Variants in EXOC4 observed in about 807,000 individuals in gnomAD.
The protein encoded by EXOC4 is exocyst complex component 4.
In EXOC4, 71 loss-of-function variants were observed where a neutral mutation model predicts 107.2. The ratio of observed to expected loss-of-function variants is 0.66; its 90% CI spans 0.55 to 0.81. The LOEUF (loss-of-function observed/expected upper bound fraction) is 0.81. Ranked by LOEUF, EXOC4 falls within the 30% of genes least tolerant of loss-of-function variation. EXOC4 has a pLI of 0.00. For synonymous variants in EXOC4, 456 were observed against 441.2 expected, an observed-to-expected ratio of 1.03 and a Z score of -0.42; for missense variants, 1,108 against 1,189.6, an observed-to-expected ratio of 0.93 and a Z score of 1.01.
At position 133,788,921 on chromosome 7, in the gene EXOC4, T is replaced by C. The variant is rs1796647253; in HGVS notation, c.1515-28404T>C. ...GATCTTCAGCTCGTTCACCATATAA[T>C]ACATGAAATACATGTATTCTCATAA... On this transcript the variant is annotated intron_variant, in intron 10 of 17. Coordinates refer to ENST00000253861, the MANE Select transcript of EXOC4 (RefSeq NM_021807.4). 2.0e-5 allele frequency among the ~76,000 whole-genome samples: 3 copies of C among 150,462 alleles called. No individual in the cohort carries two copies. The South Asian group carries it at 6.2e-4, about 31-fold the overall frequency.
At chr7:133,304,471 A>G (rs1794709332) in intron 3 of EXOC4, among the ~76,000 whole-genome samples, 1 of 152,172 alleles carries the variant, frequency 6.6e-6, no homozygotes, top group African/African-American at 2.4e-5. Context: ...TCACTCTCCC[A>G]TTCCTTGATT....
intron 6 of EXOC4, among the ~76,000 whole-genome samples, chr7:133,372,255 C>T (rs1013780070): frequency 6.6e-6 from 1 of 152,020 alleles, no homozygotes; most frequent in Non-Finnish European, 1.5e-5. Flanking sequence ...AATATGACAC[C>T]GTTGTGCTTC....
rs550629030 is a variant in EXOC4 at position 133,707,483 on chromosome 7, C to A, written c.1514+77342C>A. 1.3e-3 allele frequency among the ~76,000 whole-genome samples: 189 copies of A among 151,164 alleles called. 1 individual carries two copies. Among genetic ancestry groups the A allele is most frequent in the African/African-American group, 4.3e-3 (179 of 41,232 alleles). On this transcript the variant is annotated intron_variant, in intron 10 of 17. Coordinates refer to ENST00000253861, the MANE Select transcript of EXOC4 (RefSeq NM_021807.4). ...CAAAAAAGTCATTGTTAAAGAGAAA[C>A]AAAGAAAAAGTTAAAAATGAAATAC...
the EXOC4 span, among the ~76,000 whole-genome samples, chr7:134,082,252 GA>G: frequency 6.6e-6 from 1 of 152,138 alleles, no homozygotes; most frequent in African/African-American, 2.4e-5. Flanking sequence ...TCTTGGAAAG[GA>G]TGGGCAATTC....
At chr7:134,016,153 G>C (rs959974654) in intron 17 of EXOC4, among the ~76,000 whole-genome samples, 2 of 152,186 alleles carry the variant, frequency 1.3e-5, no homozygotes, top group Admixed American at 6.5e-5. Flanking sequence ...ATCAGTGGTT[G>C]TGGTGAGTAT....
intron 7 of EXOC4, among the ~76,000 whole-genome samples, chr7:133,404,912 A>G (rs1203317440): frequency 8.4e-6 from 1 of 119,038 alleles, no homozygotes; most frequent in African/African-American, 3.4e-5. Context: ...ACGCACACAC[A>G]CACACACACA....
chr7:133,437,105 C>T (rs546017645), intron 7 of EXOC4, among the ~76,000 whole-genome samples: 4 of 152,096 alleles, frequency 2.6e-5, no homozygotes, highest in African/African-American at 7.2e-5. Context: ...TTAAATTTTG[C>T]GTGTTATCCA....
intron 10 of EXOC4, among the ~76,000 whole-genome samples, chr7:133,658,884 T>C (rs1270113673): frequency 2.0e-5 from 3 of 152,096 alleles, no homozygotes; most frequent in South Asian, 2.1e-4. Flanking sequence ...CATGTTGATA[T>C]TGTTGCAAAT....
At chr7:133,956,313 G>A (rs908710810) in intron 14 of EXOC4, among the ~76,000 whole-genome samples, 3 of 152,086 alleles carry the variant, frequency 2.0e-5, no homozygotes, top group Admixed American at 1.3e-4. Context: ...GATAGAGGCG[G>A]CTCAAATAGG....
intron 8 of EXOC4, among the ~76,000 whole-genome samples, 178 bp downstream of exon 8, chr7:133,475,651 T>C (rs184890431): frequency 1.3e-4 from 20 of 152,316 alleles, no homozygotes; most frequent in Non-Finnish European, 2.5e-4. Flanking sequence ...AGTGGTTGTT[T>C]TGGGTACAGT....
intron 7 of EXOC4, among the ~76,000 whole-genome samples, chr7:133,379,534 A>T (rs1398731131): frequency 6.6e-6 from 1 of 152,128 alleles, no homozygotes; most frequent in African/African-American, 2.4e-5. Flanking sequence ...AAATGTAATT[A>T]TTTGTATTAT....
chr7:133,641,473 A>C (rs1802853235), intron 10 of EXOC4, among the ~76,000 whole-genome samples: 1 of 152,128 alleles, frequency 6.6e-6, no homozygotes, highest in African/African-American at 2.4e-5. Flanking sequence ...CGTACATACA[A>C]ACACACACAC....
At chr7:133,412,280 T>TTTTTG (rs1554448869) in intron 7 of EXOC4, among the ~76,000 whole-genome samples, 1 of 139,888 alleles carries the variant, frequency 7.1e-6, no homozygotes, top group South Asian at 2.3e-4. Flanking sequence ...AGAATTCAGT[T>TTTTTG]TTTTTTTTTT....
At chr7:133,596,067 G>A (rs184662827) in intron 9 of EXOC4, among the ~76,000 whole-genome samples, 23 of 152,178 alleles carry the variant, frequency 1.5e-4, no homozygotes, top group Admixed American at 1.3e-3. Context: ...CATGTTTTCC[G>A]CTTCCGCCCT....
chr7:133,696,075 G>A (rs941667972), intron 10 of EXOC4, among the ~76,000 whole-genome samples: 1 of 152,042 alleles, frequency 6.6e-6, no homozygotes, highest in Non-Finnish European at 1.5e-5. Context: ...CAGTGTTAAA[G>A]TATGCCCCGG....
In EXOC4 at chr7:133,766,868, C is replaced by T. The variant is rs550551456; in HGVS notation, c.1515-50457C>T. On this transcript the variant is annotated intron_variant, in intron 10 of 17. Transcript: ENST00000253861. Reference sequence around the variant, plus strand: ...GCTTTTTCAGGGTTGCAAACCTATTCGAGTTAAAATTGAACTCCCAGTGGA... The same window carrying T: ...GCTTTTTCAGGGTTGCAAACCTATTTGAGTTAAAATTGAACTCCCAGTGGA... Among the ~76,000 whole-genome samples, 4 of 152,034 alleles carry T rather than the reference C, an allele frequency of 2.6e-5. No individual in the cohort carries two copies. In the East Asian group the frequency reaches 5.8e-4, roughly 22 times the overall value.
rs375368771 is a variant in EXOC4 at position 133,303,728 on chromosome 7, T to A, written c.472-2149T>A. On this transcript the variant is annotated intron_variant, in intron 3 of 17. Transcript: ENST00000253861. ...GAAGTTCTGAGACTACCTTTGATAA[T>A]ATATGTTATTATGTTATCTTGTATT... Among the ~76,000 whole-genome samples, 3 of 152,232 alleles carry A rather than the reference T, an allele frequency of 2.0e-5. No homozygotes were observed. The East Asian group carries it at 5.8e-4, about 29-fold the overall frequency.
At chr7:133,637,783 C>T (rs988646826) in intron 10 of EXOC4, among the ~76,000 whole-genome samples, 1 of 152,058 alleles carries the variant, frequency 6.6e-6, no homozygotes. Context: ...ACCTTCAAAC[C>T]ACCTAACTTT....
chr7:133,732,835 T>A (rs903338333), intron 10 of EXOC4: 1 of 169,032 alleles, frequency 5.9e-6, no homozygotes, highest in African/African-American at 2.4e-5. Flanking sequence ...AAGTCTTTTG[T>A]ATCTGATTGT....
Sources: allele counts gnomAD v4.1 joint callset (sites outside exome capture counted in the v4.1 genomes callset), GRCh38; gene constraint gnomAD v4.1.1; transcripts MANE v1.5; gene names NCBI Gene and HGNC (gene_info 2026-07-23, HGNC 2026-07-21).